Variants in DPP9 observed in about 807,000 individuals in gnomAD.
The protein encoded by DPP9 is dipeptidyl peptidase IV-related protein-2.
Under a neutral mutation model 110.7 loss-of-function variants are expected in DPP9, and 50 were observed. The observed-to-expected ratio is 0.45, with a 90% CI of 0.36 to 0.57. DPP9 has a LOEUF of 0.57. DPP9 is among the 20% of genes least tolerant of loss of function. The pLI is 0.00. For synonymous variants in DPP9, 561 were observed against 514.4 expected (o/e 1.09, Z -1.23); for missense variants, 1,022 against 1,217.9 (o/e 0.84, Z 2.39).
chr19:4,722,239 C>G, intron 2 of DPP9: 2 of 467,216 alleles, frequency 4.3e-6, no homozygotes, highest in South Asian at 6.2e-5. Context: ...TCCACCAAAT[C>G]CTGCTGAAAT....
At position 4,702,721 on chromosome 19, in the gene DPP9, G is replaced by T; in HGVS notation, c.770-5C>A. 1 of 1,567,642 alleles carries T rather than the reference G, an allele frequency of 6.4e-7. No homozygotes were observed. The highest frequency in any genetic ancestry group is 2.4e-5 in the East Asian group (1 of 42,270). ...CATCCAGGACATTGGATAAACCTAG[G>T]GGGAGGGACGGAGAGCATCAACAAG... On this transcript the variant is annotated splice_polypyrimidine_tract_variant and splice_region_variant and intron_variant, in intron 7 of 21. Coordinates refer to ENST00000262960, the MANE Select transcript of DPP9 (RefSeq NM_139159.5).
chr19:4,683,653 C>T (rs373710089), intron 18 of DPP9, 24 bp from the exon 19 acceptor site: 4 of 1,613,124 alleles, frequency 2.5e-6, no homozygotes, highest in Admixed American at 1.7e-5. Flanking sequence ...CCGGGCACCT[C>T]TCAGTGGCCT....
chr19:4,713,096 C>T (rs1310039282), intron 4 of DPP9, among the ~76,000 whole-genome samples: 1 of 152,206 alleles, frequency 6.6e-6, no homozygotes, highest in Non-Finnish European at 1.5e-5. Flanking sequence ...CTGCTCCTGG[C>T]ATGGAGTGGG....
intron 21 of DPP9, among the ~76,000 whole-genome samples, chr19:4,678,706 G>A (rs1363625087): frequency 6.6e-6 from 1 of 152,046 alleles, no homozygotes; most frequent in Non-Finnish European, 1.5e-5. Flanking sequence ...CTCCTGCTCT[G>A]CGGCCCCATT....
rs2091994815 is a variant in DPP9, at chr19:4,698,631, C to A, written c.1075-980G>T. 6.6e-6 allele frequency among the ~76,000 whole-genome samples: 1 copy of A among 152,164 alleles called. No individual in the cohort carries two copies. Among genetic ancestry groups the A allele is most frequent in the Non-Finnish European group, 1.5e-5 (1 of 68,040 alleles). On this transcript the variant is annotated intron_variant, in intron 10 of 21. Coordinates refer to ENST00000262960, the MANE Select transcript of DPP9 (RefSeq NM_139159.5). The surrounding 1 kb of genome is among the most constrained non-coding windows in gnomAD (Gnocchi z 4.2). ...AGGTGTGGTGGTGCATGCCTGTAGT[C>A]CCAGCTACTCAAGAGGCTGAGGCAA...
At chr19:4,722,731 C>T in intron 1 of DPP9, 180 bp from the exon 2 acceptor site, 1 of 584,578 alleles carries the variant, frequency 1.7e-6, no homozygotes, top group Non-Finnish European at 3.1e-6. Context: ...GGGAGAGAAG[C>T]CATCCCACGG....
intron 20 of DPP9, among the ~76,000 whole-genome samples, chr19:4,680,618 G>A (rs1246810789): frequency 1.3e-5 from 2 of 148,194 alleles, no homozygotes; most frequent in Non-Finnish European, 3.0e-5. Flanking sequence ...GAGGCAGGAG[G>A]ATCACCTAAA....
chr19:4,722,351 A>C lies in DPP9; in HGVS notation c.-36+148T>G, dbSNP rs143607778. ...AAGAAAAGCCTCCAGCAGGCGCACAAAAAACTGCAGCCACTGCCCTGCGGA... is the reference window on the plus strand; with the variant it reads ...AAGAAAAGCCTCCAGCAGGCGCACACAAAACTGCAGCCACTGCCCTGCGGA... On this transcript the variant is annotated intron_variant, in intron 2 of 21. Transcript: ENST00000262960. 7.9e-3 allele frequency: 4,625 copies of C among 582,428 alleles called. 39 individuals carry two copies. The highest frequency in any genetic ancestry group is 0.014 in the Middle Eastern group (31 of 2,200). The allele number at this position is 582,428 out of a possible 1,614,324, so 36.1% of individuals were successfully genotyped here.
At chr19:4,722,091 A>G (rs1179821472) in intron 2 of DPP9, 1 of 190,328 alleles carries the variant, frequency 5.3e-6, no homozygotes, top group Non-Finnish European at 1.1e-5. Context: ...GCACAAACTA[A>G]ATGACAGCTA....
chr19:4,713,792 G>A (rs930884323), intron 4 of DPP9, among the ~76,000 whole-genome samples: 1 of 152,178 alleles, frequency 6.6e-6, no homozygotes, highest in Non-Finnish European at 1.5e-5. Flanking sequence ...CGGGCTTGGA[G>A]CCACAGGGCC....
chr19:4,720,800 C>T (rs1340610354), intron 2 of DPP9, among the ~76,000 whole-genome samples: 3 of 152,198 alleles, frequency 2.0e-5, no homozygotes, highest in Non-Finnish European at 4.4e-5. Context: ...GCCGGAGACC[C>T]CTGCATCCAT....
chr19:4,683,368 C>T, intron 19 of DPP9, 109 bp downstream of exon 19: 1 of 1,531,368 alleles, frequency 6.5e-7, no homozygotes, highest in South Asian at 1.2e-5. Context: ...TGCCGAGGCG[C>T]CTCCCCGGTA....
In DPP9 at chr19:4,694,826, G is replaced by A. The variant is rs535735617; in HGVS notation, c.1354-3C>T. 1.4e-5 allele frequency: 23 copies of A among 1,613,630 alleles called. No individual in the cohort carries two copies. Among genetic ancestry groups the A allele is most frequent in the Non-Finnish European group, 1.7e-5 (20 of 1,179,792 alleles). ...AAGGGATAGAAGATGTCATGAACCT[G>A]TCCGGAAAGCAGATAGAAGATGCGT... On this transcript the variant is annotated splice_region_variant and splice_polypyrimidine_tract_variant and intron_variant, in intron 12 of 21. Coordinates refer to ENST00000262960, the MANE Select transcript of DPP9 (RefSeq NM_139159.5). The surrounding 1 kb of genome is among the most constrained non-coding windows in gnomAD (Gnocchi z 4.0).
chr19:4,722,433 C>T (rs2093363338), intron 2 of DPP9, 66 bp downstream of exon 2: 1 of 694,526 alleles, frequency 1.4e-6, no homozygotes, highest in Non-Finnish European at 2.6e-6. Flanking sequence ...TATTCTAGAG[C>T]AGGCAAAGGA....
At position 4,714,199 on chromosome 19, in the gene DPP9, G is replaced by A. The variant is rs763126423; in HGVS notation, c.195C>T (p.Ser65=). 1.2e-6 allele frequency: 2 copies of A among 1,608,950 alleles called. No individual in the cohort carries two copies. Among genetic ancestry groups the A allele is most frequent in the Non-Finnish European group, 1.7e-6 (2 of 1,178,052 alleles). Residue 65 remains serine (S), a synonymous_variant, in exon 4 of 22, where the codon AGC becomes AGT. Coordinates refer to ENST00000262960, the MANE Select transcript of DPP9 (RefSeq NM_139159.5). The part of the protein sequence containing the change: ...VQKHSWDGLR[S]IIHGSRKYSG... ...AGTACTTGCGGCTGCCGTGGATGAT[G>A]CTCCGGAGCCCGTCCCACGAGTGCT... is the stretch of plus-strand genomic sequence containing the variant.
In DPP9 at chr19:4,704,152, G is replaced by T. The variant is rs187492097; in HGVS notation, c.579C>A (p.Asp193Glu). 1 of 1,613,844 alleles carries T rather than the reference G, an allele frequency of 6.2e-7. No individual in the cohort carries two copies. The highest frequency in any genetic ancestry group is 8.5e-7 in the Non-Finnish European group (1 of 1,179,908). Reference protein sequence around the residue: ...QASNSLFHCRDGGKNGFMVSP... With the variant: ...QASNSLFHCREGGKNGFMVSP... Reference sequence around the variant, plus strand: ...TCACCATGAAGCCGTTCTTGCCGCCGTCGCGGCAGTGGAAGAGGCTGTTGC... The same window carrying T: ...TCACCATGAAGCCGTTCTTGCCGCCTTCGCGGCAGTGGAAGAGGCTGTTGC... The change falls in exon 6 of 22, where the codon GAC (aspartate) becomes GAA (glutamate). Residue 193 changes from aspartate to glutamate, a missense_variant. Asp to Glu is a conservative substitution (Grantham distance 45). Coordinates refer to ENST00000262960, the MANE Select transcript of DPP9 (RefSeq NM_139159.5). The surrounding 1 kb of genome is among the most constrained non-coding windows in gnomAD (Gnocchi z 6.0).
rs1223553470 is a variant in DPP9 at position 4,689,371 on chromosome 19, C to G, written c.1749+199G>C. Among the ~76,000 whole-genome samples, 1 of 152,240 alleles carries G rather than the reference C, an allele frequency of 6.6e-6. No homozygotes were observed. Among genetic ancestry groups the G allele is most frequent in the Non-Finnish European group, 1.5e-5 (1 of 68,030 alleles). ...CTGGGGGGCTCCACCACTTACTACC[C>G]TGGGATTGGTGGTGGGCAATTCACT... On this transcript the variant is annotated intron_variant, in intron 15 of 21. Coordinates refer to ENST00000262960, the MANE Select transcript of DPP9 (RefSeq NM_139159.5). This position sits in a 1 kb window ranked among gnomAD's most constrained non-coding sequence, Gnocchi z 7.0.
At chr19:4,707,268 G>A (rs2092630078) in intron 4 of DPP9, among the ~76,000 whole-genome samples, 1 of 152,146 alleles carries the variant, frequency 6.6e-6, no homozygotes, top group Non-Finnish European at 1.5e-5. Context: ...GCGCAATCAG[G>A]TCCTTAGTGG....
Position 4,703,736 on chromosome 19 carries a change from C to T in DPP9, c.769+150G>A, listed in dbSNP as rs576922695. 4.7e-4 allele frequency: 366 copies of T among 786,908 alleles called. 1 individual carries two copies. Among genetic ancestry groups the T allele is most frequent in the Admixed American group, 6.7e-4 (24 of 35,680 alleles). 48.7% of individuals were successfully genotyped at this position (786,908 alleles called of 1,614,324 possible). Reference sequence around the variant, plus strand: ...GAGCGGCAGGGACGCCAGGACCTCCCGGGAGACATGGTAGGCTACAGAAGG... The same window carrying T: ...GAGCGGCAGGGACGCCAGGACCTCCTGGGAGACATGGTAGGCTACAGAAGG... On this transcript the variant is annotated intron_variant, in intron 7 of 21. Transcript: ENST00000262960.
Sources: allele counts gnomAD v4.1 joint callset (sites outside exome capture counted in the v4.1 genomes callset), GRCh38; gene constraint gnomAD v4.1.1; non-coding constraint Gnocchi (gnomAD v3.1); transcripts MANE v1.5; gene names NCBI Gene and HGNC (gene_info 2026-07-23, HGNC 2026-07-21).